The following MCFD2 variants were observed in gnomAD, a reference collection of about 807,000 sequenced individuals.
MCFD2 encodes the protein multiple coagulation factor deficiency protein 2.
MCFD2 carries 11 observed loss-of-function variants against 12.8 expected under a neutral mutation model. The observed-to-expected ratio is 0.86, with a 90% CI of 0.54 to 1.42. The LOEUF (loss-of-function observed/expected upper bound fraction) is 1.42. Ranked by LOEUF, MCFD2 falls within the 40% of genes most tolerant of loss-of-function variation. The pLI is 0.00. For synonymous variants in MCFD2, 70 were observed against 68.1 expected, an observed-to-expected ratio of 1.03 and a Z score of -0.14; for missense variants, 191 against 178.6, an observed-to-expected ratio of 1.07 and a Z score of -0.40.
chr2:46,914,158 C>A (rs984802249), intron 1 of MCFD2: 5 of 152,338 alleles, frequency 3.3e-5, no homozygotes, highest in Admixed American at 6.5e-5. Context: ...TATCCCACAG[C>A]GGATCTAGCC....
chr2:46,941,627 TGCCGGA>T lies in MCFD2; in HGVS notation c.-69_-64del, dbSNP rs1216215194. 6.4e-7 allele frequency: 1 copy of T among 1,555,182 alleles called. No homozygotes were observed. The highest frequency in any genetic ancestry group is 8.7e-7 in the Non-Finnish European group (1 of 1,149,902). On this transcript the variant is annotated 5_prime_UTR_variant, in exon 1 of 3. Coordinates refer to the MCFD2 transcript ENST00000409147. The surrounding 1 kb of genome is among the most constrained non-coding windows in gnomAD (Gnocchi z 4.2). The stretch of plus-strand genomic sequence containing the variant: ...CGCGCCGAGGGCCACTGGGACCGCA[TGCCGGA>T]GCTGGTCCGGCAGCTGCAGACGCTG...
Position 46,909,064 on chromosome 2 carries a change from G to A in MCFD2, c.108C>T (p.Pro36=), listed in dbSNP as rs767456045. The change falls in exon 2 of 4, where the codon CCC becomes CCT. Residue 36 remains proline (P), a synonymous_variant. Transcript: ENST00000319466. ...AEEPAASFSQ[P]GSMGLDKNTV... The stretch of plus-strand genomic sequence containing the variant: ...TGTTCTTATCCAGGCCCATGCTGCC[G>A]GGTTGGGAGAAGCTGGCTGCAGGCT... 13 of 1,614,094 alleles carry A rather than the reference G, an allele frequency of 8.1e-6. No homozygotes were observed. The highest frequency in any genetic ancestry group is 2.2e-5 in the East Asian group (1 of 44,898).
intron 3 of MCFD2, chr2:46,906,021 T>A (rs1458269021): frequency 2.1e-6 from 1 of 471,336 alleles, no homozygotes; most frequent in Admixed American, 2.4e-5. Flanking sequence ...GACAACAAGT[T>A]GGCATCAAAA....
In MCFD2 at chr2:46,908,388, G is replaced by A. The variant is rs1668336060; in HGVS notation, c.150-419C>T. 1 of 306,834 alleles carries A rather than the reference G, an allele frequency of 3.3e-6. No homozygotes were observed. The highest frequency in any genetic ancestry group is 6.3e-6 in the Non-Finnish European group (1 of 159,922). 19.0% of individuals were successfully genotyped at this position (306,834 alleles called of 1,614,324 possible). A position where few individuals can be genotyped will look rare whatever the true frequency, so the allele number is the denominator to read the frequency against. On this transcript the variant is annotated intron_variant, in intron 2 of 3. Transcript: ENST00000319466. This position sits in a 1 kb window ranked among gnomAD's most constrained non-coding sequence, Gnocchi z 4.5. ...TGATTCTCCCACTTCAGCCCCCCAA[G>A]TAGCTGGGACCATAGGCATGTACTG...
In MCFD2 at chr2:46,907,666, G is replaced by C. The variant is rs1668299939; in HGVS notation, c.309+144C>G. On this transcript the variant is annotated intron_variant, in intron 3 of 3. Transcript: ENST00000319466. This position sits in a 1 kb window ranked among gnomAD's most constrained non-coding sequence, Gnocchi z 4.1. ...TCCACTTTGGCCTCCCAAAGTGCTG[G>C]GATTACAGATGCGAGCCATCATGCC... 2.2e-6 allele frequency: 2 copies of C among 906,240 alleles called. No individual in the cohort carries two copies. The highest frequency in any genetic ancestry group is 3.3e-5 in the African/African-American group (2 of 61,232). The allele number at this position is 906,240 out of a possible 1,614,324, so 56.1% of individuals were successfully genotyped here. A position where few individuals can be genotyped will look rare whatever the true frequency, so the allele number is the denominator to read the frequency against.
intron 1 of MCFD2, among the ~76,000 whole-genome samples, chr2:46,935,671 TCCAAGACC>T (rs1669942865): frequency 6.6e-6 from 1 of 152,204 alleles, no homozygotes; most frequent in Admixed American, 6.5e-5. Context: ...AACACTGCAG[TCCAAGACC>T]CCTGACTCGG....
At position 46,905,589 on chromosome 2, in the gene MCFD2, C is replaced by A; in HGVS notation, c.315G>T (p.Gly105=). The change falls in exon 4 of 4, where the codon GGG becomes GGT. Residue 105 remains glycine (G), a synonymous_variant. Transcript: ENST00000319466. ...CACTCATTAGTGGTGCCTGTTCACTCCCTTCCTACAAAATACAAATTAGAC... is the reference window on the plus strand; with the variant it reads ...CACTCATTAGTGGTGCCTGTTCACTACCTTCCTACAAAATACAAATTAGAC... ...TAITHVHKEE[G]SEQAPLMSED... The A allele has an allele frequency of 6.2e-7, 1 of 1,613,316 alleles. No individual in the cohort carries two copies. The highest frequency in any genetic ancestry group is 2.2e-5 in the East Asian group (1 of 44,834).
intron 1 of MCFD2, among the ~76,000 whole-genome samples, chr2:46,932,669 G>T (rs772848792): frequency 1.3e-5 from 2 of 152,140 alleles, no homozygotes; most frequent in African/African-American, 2.4e-5. Flanking sequence ...GGGAGGCCAA[G>T]ATGGGTGGAT....
chr2:46,905,664 A>G, intron 3 of MCFD2, 70 bp from the exon 4 acceptor site: 3 of 1,390,216 alleles, frequency 2.2e-6, no homozygotes, highest in Non-Finnish European at 3.1e-6. Flanking sequence ...TAACGTCCAA[A>G]ATATCCATGT....
chr2:46,919,250 A>T (rs144842785), upstream of MCFD2, among the ~76,000 whole-genome samples: 31 of 152,350 alleles, frequency 2.0e-4, no homozygotes, highest in East Asian at 3.3e-3. Context: ...AAGACTCTAG[A>T]TAGGCTGGGT....
rs904992870 is a variant in MCFD2, at chr2:46,904,145, C to G, written c.*1318G>C. On this transcript the variant is annotated 3_prime_UTR_variant, in exon 4 of 4. Transcript: ENST00000319466. ...AAGTCAAGAATTGAGATTTGGAAAC[C>G]TCCGCCTAGTTTTCAGAAGATGTAT... 1 of 152,240 alleles carries G rather than the reference C, an allele frequency of 6.6e-6. No individual in the cohort carries two copies. Among genetic ancestry groups the G allele is most frequent in the African/African-American group, 2.4e-5 (1 of 41,460 alleles). The allele number at this position is 152,240 out of a possible 1,614,324, so 9.4% of individuals were successfully genotyped here. A position where few individuals can be genotyped will look rare whatever the true frequency, so the allele number is the denominator to read the frequency against.
At chr2:46,933,487 T>G (rs1669816415) in intron 1 of MCFD2, among the ~76,000 whole-genome samples, 1 of 152,232 alleles carries the variant, frequency 6.6e-6, no homozygotes, top group South Asian at 2.1e-4. Context: ...TTACATGTAG[T>G]TTTTCTGGCA....
Position 46,903,611 on chromosome 2 carries a change from G to C in MCFD2, c.*1852C>G, listed in dbSNP as rs1301139858. 1 of 152,234 alleles carries C rather than the reference G, an allele frequency of 6.6e-6. No individual in the cohort carries two copies. Among genetic ancestry groups the C allele is most frequent in the Non-Finnish European group, 1.5e-5 (1 of 68,052 alleles). The allele number at this position is 152,234 out of a possible 1,614,324, so 9.4% of individuals were successfully genotyped here. On this transcript the variant is annotated 3_prime_UTR_variant, in exon 4 of 4. Transcript: ENST00000319466. ...GAACTTGTTGGGAACTGGAGTAAAG[G>C]TGACTCTTGTTATGTTTTAGCAAAG...
chr2:46,915,967 C>A (rs555682166), upstream of MCFD2: 52 of 985,316 alleles, frequency 5.3e-5, no homozygotes, highest in Non-Finnish European at 6.1e-5. Context: ...GCGGGACTGA[C>A]GCAGTTCTTC....
rs1477381665 is a variant in MCFD2 at position 46,902,969 on chromosome 2, C to T, written c.*2494G>A. 6.6e-6 allele frequency: 1 copy of T among 152,208 alleles called. No individual in the cohort carries two copies. The highest frequency in any genetic ancestry group is 1.5e-5 in the Non-Finnish European group (1 of 68,046). 9.4% of individuals were successfully genotyped at this position (152,208 alleles called of 1,614,324 possible). On this transcript the variant is annotated 3_prime_UTR_variant, in exon 4 of 4. Transcript: ENST00000319466. ...TACTACAGTCAAGTTCCTGAGTACT[C>T]AGCTCCAATTATCTAATATTCTTGA... is the stretch of plus-strand genomic sequence containing the variant.
At position 46,908,735 on chromosome 2, in the gene MCFD2, G is replaced by A; in HGVS notation, c.149+288C>T. On this transcript the variant is annotated intron_variant, in intron 2 of 3. Coordinates refer to ENST00000319466, the MANE Select transcript of MCFD2 (RefSeq NM_139279.6). This position sits in a 1 kb window ranked among gnomAD's most constrained non-coding sequence, Gnocchi z 4.5. ...ACTATGACTGTGTATGTGTACCTGT[G>A]TGTCTATTTGTATGTGTGTGTGTCT... is the stretch of plus-strand genomic sequence containing the variant. The A allele has an allele frequency of 2.1e-6, 1 of 480,698 alleles. No homozygotes were observed. Among genetic ancestry groups the A allele is most frequent in the East Asian group, 4.0e-5 (1 of 25,008 alleles). The allele number at this position is 480,698 out of a possible 1,614,324, so 29.8% of individuals were successfully genotyped here.
At chr2:46,917,052 C>T (rs905199027), upstream of MCFD2, 7 of 624,660 alleles carry the variant, frequency 1.1e-5, no homozygotes, top group African/African-American at 1.1e-4. Context: ...TAGTTAGATG[C>T]CTTGAAAGTT....
chr2:46,932,853 A>G (rs1558481097), intron 1 of MCFD2, among the ~76,000 whole-genome samples: 1 of 150,218 alleles, frequency 6.7e-6, no homozygotes, highest in Non-Finnish European at 1.5e-5. Context: ...GCAAGCGCAG[A>G]TCGCACCACT....
chr2:46,917,106 T>A (rs952331767), upstream of MCFD2: 34 of 691,042 alleles, frequency 4.9e-5, no homozygotes, highest in Non-Finnish European at 8.4e-5. Context: ...TTTTCCCACC[T>A]TCATCTGAGA....
Sources: gnomAD v4.1 joint callset for allele counts (sites outside exome capture counted in the v4.1 genomes callset) on GRCh38, gnomAD v4.1.1 for gene constraint, Gnocchi (gnomAD v3.1) non-coding constraint, MANE v1.5 for transcripts, NCBI Gene and HGNC (gene_info 2026-07-23, HGNC 2026-07-21) for gene names.